RBFOX3: variants seen among roughly 807,000 people sequenced by gnomAD.
RBFOX3 encodes RNA binding fox-1 homolog 3.
RBFOX3 carries 17 observed loss-of-function variants against 48.7 expected under a neutral mutation model. The observed-to-expected ratio is 0.35, with a 90% CI of 0.24 to 0.52. The LOEUF (loss-of-function observed/expected upper bound fraction) is 0.52. RBFOX3 is among the 20% of genes least tolerant of loss of function. The probability of loss-of-function intolerance (pLI) is 0.94; values close to 1 mark genes in which losing one functional copy is unlikely to be tolerated. For missense variants in RBFOX3, 382 were observed against 497.5 expected, an observed-to-expected ratio of 0.77 and a Z score of 2.21; for synonymous variants, 212 against 209.5, an observed-to-expected ratio of 1.01 and a Z score of -0.10.
At chr17:79,497,406 T>C (rs956055409) in intron 1 of RBFOX3, among the ~76,000 whole-genome samples, 1 of 152,200 alleles carries the variant, frequency 6.6e-6, no homozygotes, top group Non-Finnish European at 1.5e-5. Flanking sequence ...GAGTCTTTTA[T>C]TCAGCCAAAG....
chr17:79,269,890 C>T (rs985228294), intron 3 of RBFOX3, among the ~76,000 whole-genome samples: 1 of 152,168 alleles, frequency 6.6e-6, no homozygotes, highest in African/African-American at 2.4e-5. Context: ...AAGTGAGCCC[C>T]GCCATTGCCC....
At chr17:79,324,567 C>T (rs148882961) in intron 2 of RBFOX3, among the ~76,000 whole-genome samples, 420 of 152,278 alleles carry the variant, frequency 2.8e-3, no homozygotes, top group African/African-American at 8.7e-3. Context: ...AAGCAGGTGA[C>T]GTGGGCAAAG....
intron 3 of RBFOX3, among the ~76,000 whole-genome samples, chr17:79,256,637 GCC>G (rs2148379895): frequency 6.6e-6 from 1 of 152,252 alleles, no homozygotes; most frequent in Non-Finnish European, 1.5e-5. Context: ...AAGAAGTTCT[GCC>G]AGGTACGGTG....
intron 4 of RBFOX3, among the ~76,000 whole-genome samples, chr17:79,153,399 C>A (rs897812690): frequency 6.6e-6 from 1 of 152,228 alleles, no homozygotes; most frequent in African/African-American, 2.4e-5. Flanking sequence ...AAAATTCTCT[C>A]CACGAGAAGC....
At chr17:79,610,647 G>GA (rs1188523438) in intron 1 of RBFOX3, among the ~76,000 whole-genome samples, 179 bp downstream of exon 1, 2 of 151,888 alleles carry the variant, frequency 1.3e-5, no homozygotes, top group Non-Finnish European at 2.9e-5. Flanking sequence ...AGGGACCCCT[G>GA]ACCCCGAGGG....
the RBFOX3 span, among the ~76,000 whole-genome samples, chr17:79,650,474 C>A: frequency 6.6e-6 from 1 of 151,964 alleles, no homozygotes; most frequent in East Asian, 1.9e-4. Context: ...GGATTCTGCA[C>A]CCTGCCAGCC....
intron 2 of RBFOX3, among the ~76,000 whole-genome samples, chr17:79,445,549 A>G (rs1158521350): frequency 6.6e-6 from 1 of 152,148 alleles, no homozygotes; most frequent in African/African-American, 2.4e-5. Context: ...GCCCACTTCC[A>G]GGATCATCTC....
chr17:79,242,214 C>A lies in RBFOX3; in HGVS notation c.-73-6409G>T, dbSNP rs1272348946. 6.6e-6 allele frequency among the ~76,000 whole-genome samples: 1 copy of A among 152,028 alleles called. No homozygotes were observed. Among genetic ancestry groups the A allele is most frequent in the Admixed American group, 6.6e-5 (1 of 15,260 alleles). ...GCTGCTGCTGCTGGTGGAGGGGGTGCTACCTGAGGAGCCCCGGGGTGGGGG... is the reference window on the plus strand; with the variant it reads ...GCTGCTGCTGCTGGTGGAGGGGGTGATACCTGAGGAGCCCCGGGGTGGGGG... On this transcript the variant is annotated intron_variant, in intron 3 of 14. Coordinates refer to ENST00000693108, the MANE Select transcript of RBFOX3 (RefSeq NM_001350451.2). The surrounding 1 kb of genome is among the most constrained non-coding windows in gnomAD (Gnocchi z 5.8).
At chr17:79,538,816 C>T (rs1599083623) in intron 1 of RBFOX3, among the ~76,000 whole-genome samples, 1 of 152,092 alleles carries the variant, frequency 6.6e-6, no homozygotes, top group South Asian at 2.1e-4. Context: ...TCACACTGGC[C>T]CAGAAGCAAC....
chr17:79,422,970 T>A (rs1404027296), intron 2 of RBFOX3, among the ~76,000 whole-genome samples: 2 of 152,076 alleles, frequency 1.3e-5, no homozygotes, highest in African/African-American at 2.4e-5. Context: ...AAAGGCCACG[T>A]GAGGTCGCAG....
chr17:79,250,003 G>A (rs963861525), intron 3 of RBFOX3, among the ~76,000 whole-genome samples: 6 of 152,312 alleles, frequency 3.9e-5, no homozygotes, highest in East Asian at 1.9e-4. Context: ...GGATGAAACC[G>A]TAATGCTTCC....
intron 4 of RBFOX3, among the ~76,000 whole-genome samples, chr17:79,210,449 G>A (rs2058224392): frequency 1.3e-5 from 2 of 152,128 alleles, no homozygotes; most frequent in Non-Finnish European, 2.9e-5. Flanking sequence ...TACCCATCAG[G>A]TCTCACGGCC....
chr17:79,246,036 T>C (rs942977504), intron 3 of RBFOX3, among the ~76,000 whole-genome samples: 3 of 151,308 alleles, frequency 2.0e-5, no homozygotes, highest in Non-Finnish European at 4.4e-5. Flanking sequence ...AAATTGTTGC[T>C]CAACCTTACT....
At chr17:79,409,272 C>T (rs1005841638) in intron 2 of RBFOX3, among the ~76,000 whole-genome samples, 2 of 152,318 alleles carry the variant, frequency 1.3e-5, no homozygotes, top group Middle Eastern at 6.8e-3. Context: ...GGCTTGTTTC[C>T]GCCTTTGGGC....
intron 2 of RBFOX3, among the ~76,000 whole-genome samples, chr17:79,387,533 G>A (rs1403092290): frequency 6.6e-6 from 1 of 152,242 alleles, no homozygotes; most frequent in Admixed American, 6.5e-5. Context: ...AAGATGGCTG[G>A]TACCGCCCGC....
chr17:79,541,365 T>C (rs1304639131), intron 1 of RBFOX3, among the ~76,000 whole-genome samples: 1 of 152,082 alleles, frequency 6.6e-6, no homozygotes. Context: ...ATATAACAGC[T>C]TAACAGGGAG....
At chr17:79,499,739 T>G (rs1189376049) in intron 1 of RBFOX3, among the ~76,000 whole-genome samples, 1 of 152,230 alleles carries the variant, frequency 6.6e-6, no homozygotes, top group African/African-American at 2.4e-5. Context: ...AAGAAACAGA[T>G]GAGACCGTGT....
At chr17:79,411,895 G>A (rs1181865021) in intron 2 of RBFOX3, among the ~76,000 whole-genome samples, 1 of 152,092 alleles carries the variant, frequency 6.6e-6, no homozygotes, top group Non-Finnish European at 1.5e-5. Flanking sequence ...GTGTATGCAC[G>A]TGTTGTGTAT....
intron 1 of RBFOX3, among the ~76,000 whole-genome samples, chr17:79,537,439 C>T (rs2088995887): frequency 6.6e-6 from 1 of 152,108 alleles, no homozygotes; most frequent in Non-Finnish European, 1.5e-5. Context: ...AAATAAAGTC[C>T]CATTCACATG....
Sources: gnomAD v4.1 joint callset for allele counts (sites outside exome capture counted in the v4.1 genomes callset) on GRCh38, gnomAD v4.1.1 for gene constraint, Gnocchi (gnomAD v3.1) non-coding constraint, MANE v1.5 for transcripts, NCBI Gene and HGNC (gene_info 2026-07-23, HGNC 2026-07-21) for gene names.